The following LRMDA variants were observed in gnomAD, a reference collection of about 807,000 sequenced individuals.
LRMDA encodes the protein leucine rich melanocyte differentiation associated.
In LRMDA, 18 loss-of-function variants were observed where a neutral mutation model predicts 29.8. The ratio of observed to expected loss-of-function variants is 0.60; its 90% CI spans 0.42 to 0.90. The LOEUF is 0.90. Ranked by LOEUF, LRMDA falls within the 40% of genes least tolerant of loss-of-function variation. LRMDA has a pLI of 0.00. For synonymous variants in LRMDA, 125 were observed against 109.4 expected, an observed-to-expected ratio of 1.14 and a Z score of -0.89; for missense variants, 273 against 273.9, an observed-to-expected ratio of 1.00 and a Z score of 0.02.
intron 2 of LRMDA, among the ~76,000 whole-genome samples, chr10:75,897,137 G>A (rs904360697): frequency 5.9e-5 from 9 of 152,108 alleles, no homozygotes; most frequent in South Asian, 2.1e-4. Flanking sequence ...CCATTCTTCC[G>A]CCATGTATAA....
At chr10:76,134,871 G>A (rs1850064832) in intron 5 of LRMDA, among the ~76,000 whole-genome samples, 1 of 152,074 alleles carries the variant, frequency 6.6e-6, no homozygotes, top group Admixed American at 6.5e-5. Context: ...AATTATAAAA[G>A]CAAGTAATAC....
intron 5 of LRMDA, among the ~76,000 whole-genome samples, chr10:76,195,922 C>T (rs1851323966): frequency 6.6e-6 from 1 of 152,166 alleles, no homozygotes; most frequent in Admixed American, 6.5e-5. Flanking sequence ...CACATGGAGA[C>T]ATTTACTTTG....
intron 2 of LRMDA, among the ~76,000 whole-genome samples, chr10:75,587,157 G>C (rs986515133): frequency 3.3e-5 from 5 of 152,152 alleles, no homozygotes; most frequent in African/African-American, 1.2e-4. Context: ...TGTGGTGTCA[G>C]ATAATCCAGT....
At chr10:75,821,186 C>A (rs192590175) in intron 2 of LRMDA, among the ~76,000 whole-genome samples, 1 of 152,142 alleles carries the variant, frequency 6.6e-6, no homozygotes, top group Non-Finnish European at 1.5e-5. Flanking sequence ...CACCCTGATA[C>A]TAAAGCCAGG....
chr10:75,777,645 G>A (rs546586834), intron 2 of LRMDA, among the ~76,000 whole-genome samples: 1 of 152,320 alleles, frequency 6.6e-6, no homozygotes, highest in South Asian at 2.1e-4. Flanking sequence ...AGGCATTGTG[G>A]TCTAGCGGTT....
chr10:75,600,876 A>T (rs1840876814), intron 2 of LRMDA, among the ~76,000 whole-genome samples: 3 of 152,228 alleles, frequency 2.0e-5, no homozygotes, highest in Non-Finnish European at 2.9e-5. Flanking sequence ...AATAGCATTC[A>T]CTGTTAAACC....
chr10:75,871,978 A>G (rs985711958), intron 2 of LRMDA, among the ~76,000 whole-genome samples: 3 of 152,238 alleles, frequency 2.0e-5, no homozygotes, highest in Non-Finnish European at 4.4e-5. Context: ...GAATGTATTC[A>G]TCTTCACATG....
chr10:76,432,281 C>A (rs1396593585), intron 6 of LRMDA, among the ~76,000 whole-genome samples: 3 of 152,100 alleles, frequency 2.0e-5, no homozygotes, highest in Non-Finnish European at 4.4e-5. Context: ...CATAGATCTC[C>A]ACAGAGCCCT....
intron 5 of LRMDA, among the ~76,000 whole-genome samples, chr10:76,277,722 C>T (rs529093858): frequency 6.6e-6 from 1 of 152,250 alleles, no homozygotes; most frequent in South Asian, 2.1e-4. Context: ...ATAATATGAG[C>T]TTCTTTTACC....
intron 5 of LRMDA, among the ~76,000 whole-genome samples, chr10:76,174,848 G>T (rs576560440): frequency 6.6e-6 from 1 of 151,678 alleles, no homozygotes; most frequent in Non-Finnish European, 1.5e-5. Context: ...GGCCGGGTGC[G>T]GTGGCTCACG....
intron 6 of LRMDA, among the ~76,000 whole-genome samples, chr10:76,358,540 T>TCCTAG (rs1051822438): frequency 2.0e-5 from 3 of 152,138 alleles, no homozygotes; most frequent in Non-Finnish European, 4.4e-5. Context: ...AGCATGGGCC[T>TCCTAG]CCTAGCTTCC....
intron 2 of LRMDA, among the ~76,000 whole-genome samples, chr10:75,505,491 A>G (rs1261203552): frequency 2.0e-5 from 3 of 152,210 alleles, no homozygotes; most frequent in East Asian, 1.9e-4. Context: ...AAAACGTGGA[A>G]CAGGACCAGT....
chr10:75,947,673 G>C (rs1040185232), intron 2 of LRMDA, among the ~76,000 whole-genome samples: 1 of 152,206 alleles, frequency 6.6e-6, no homozygotes, highest in Non-Finnish European at 1.5e-5. Flanking sequence ...TTTTCTTCAT[G>C]ATTTGTGAAA....
intron 2 of LRMDA, among the ~76,000 whole-genome samples, chr10:75,832,164 G>A (rs563146785): frequency 2.0e-5 from 3 of 152,074 alleles, no homozygotes; most frequent in African/African-American, 4.8e-5. Flanking sequence ...ACAAATTTTC[G>A]AAATTTTAAT....
chr10:75,988,943 T>C (rs896394126), intron 2 of LRMDA, among the ~76,000 whole-genome samples: 2 of 152,226 alleles, frequency 1.3e-5, no homozygotes, highest in Non-Finnish European at 2.9e-5. Flanking sequence ...AGATGTGTCC[T>C]TTGCACAGTC....
At chr10:75,466,663 G>A (rs1844654202) in intron 2 of LRMDA, among the ~76,000 whole-genome samples, 1 of 152,240 alleles carries the variant, frequency 6.6e-6, no homozygotes, top group East Asian at 1.9e-4. Flanking sequence ...TCTTGGATAG[G>A]TGAGGCTGTG....
chr10:76,092,306 A>G (rs1015876601), intron 5 of LRMDA, among the ~76,000 whole-genome samples: 1 of 152,254 alleles, frequency 6.6e-6, no homozygotes, highest in African/African-American at 2.4e-5. Context: ...TATGCAGTGC[A>G]GGATCTGCTT....
In LRMDA at chr10:76,119,432, C is replaced by CT. The variant is rs540585619; in HGVS notation, c.516+60654dup. 5.9e-5 allele frequency among the ~76,000 whole-genome samples: 9 copies of CT among 152,058 alleles called. 1 individual carries two copies. In the South Asian group the frequency reaches 1.9e-3, roughly 32 times the overall value. The stretch of plus-strand genomic sequence containing the variant: ...AAATCTCTCCCTGAAACTGCAGGGG[C>CT]TTTTTATTACTGTTTTCATTATTAT... On this transcript the variant is annotated intron_variant, in intron 5 of 6. Coordinates refer to ENST00000611255, the MANE Select transcript of LRMDA (RefSeq NM_001305581.2).
intron 5 of LRMDA, among the ~76,000 whole-genome samples, chr10:76,066,965 G>T (rs1287983701): frequency 6.6e-6 from 1 of 152,208 alleles, no homozygotes; most frequent in Non-Finnish European, 1.5e-5. Context: ...ACTGGTCTGA[G>T]GCTGCCACAG....
Sources: allele counts gnomAD v4.1 joint callset (sites outside exome capture counted in the v4.1 genomes callset), GRCh38; gene constraint gnomAD v4.1.1; transcripts MANE v1.5; gene names NCBI Gene and HGNC (gene_info 2026-07-23, HGNC 2026-07-21).